Variants in PBX3 observed in about 807,000 individuals in gnomAD.
The protein encoded by PBX3 is pre-B-cell leukemia transcription factor 3.
In PBX3, 14 loss-of-function variants were observed where a neutral mutation model predicts 48.5. That is an observed-to-expected ratio of 0.29 (90% confidence interval 0.19 to 0.45). The LOEUF (loss-of-function observed/expected upper bound fraction) is 0.45. Ranked by LOEUF, PBX3 falls within the 20% of genes least tolerant of loss-of-function variation. The pLI is 1.00. For synonymous variants in PBX3, 210 were observed against 200.3 expected, an observed-to-expected ratio of 1.05 and a Z score of -0.41; for missense variants, 386 against 546.7, an observed-to-expected ratio of 0.71 and a Z score of 2.93.
intron 2 of PBX3, among the ~76,000 whole-genome samples, chr9:125,910,779 C>T (rs1308113990): frequency 1.3e-5 from 2 of 150,544 alleles, no homozygotes; most frequent in Non-Finnish European, 3.0e-5. Flanking sequence ...GCCATTTCCT[C>T]ATAATCTTTT....
rs184611921 is a variant in PBX3 at position 125,887,914 on chromosome 9, G to A, written c.275-27772G>A. Among the ~76,000 whole-genome samples, 758 of 152,224 alleles carry A rather than the reference G, an allele frequency of 5.0e-3. 9 individuals carry two copies. Among genetic ancestry groups the A allele is most frequent in the South Asian group, 0.014 (68 of 4,820 alleles). Reference sequence around the variant, plus strand: ...TTTTACTGCAGTAAAATGAGATTCAGGAGATAGATTACTGTGCATAATCAG... The same window carrying A: ...TTTTACTGCAGTAAAATGAGATTCAAGAGATAGATTACTGTGCATAATCAG... On this transcript the variant is annotated intron_variant, in intron 2 of 8. Transcript: ENST00000373489.
At chr9:125,750,789 GCCT>G (rs1836352997) in intron 2 of PBX3, among the ~76,000 whole-genome samples, 1 of 152,204 alleles carries the variant, frequency 6.6e-6, no homozygotes, top group African/African-American at 2.4e-5. Flanking sequence ...CTTCCTGCTA[GCCT>G]CTCTAAGCTC....
chr9:125,838,931 GT>G (rs1283018570), intron 2 of PBX3, among the ~76,000 whole-genome samples: 2 of 152,168 alleles, frequency 1.3e-5, no homozygotes, highest in Non-Finnish European at 2.9e-5. Flanking sequence ...AGTGATAGAA[GT>G]TTTTGCCAAG....
At chr9:125,843,140 C>T (rs1258345922) in intron 2 of PBX3, among the ~76,000 whole-genome samples, 1 of 151,938 alleles carries the variant, frequency 6.6e-6, no homozygotes, top group Non-Finnish European at 1.5e-5. Flanking sequence ...ATCCACAAAC[C>T]TATTTGGGGA....
At chr9:125,774,062 A>G (rs143399156) in intron 2 of PBX3, among the ~76,000 whole-genome samples, 214 of 152,340 alleles carry the variant, frequency 1.4e-3, no homozygotes, top group South Asian at 3.5e-3. Context: ...GAGATGTTTA[A>G]TTGGCACACA....
chr9:125,823,062 GC>G (rs1176226618), intron 2 of PBX3, among the ~76,000 whole-genome samples: 1 of 151,038 alleles, frequency 6.6e-6, no homozygotes, highest in African/African-American at 2.4e-5. Flanking sequence ...ACCTATGTTT[GC>G]CTATTTAGCA....
chr9:125,893,853 T>A (rs956302145), intron 2 of PBX3, among the ~76,000 whole-genome samples: 5 of 152,162 alleles, frequency 3.3e-5, no homozygotes, highest in Admixed American at 3.3e-4. Context: ...CATTATGGCT[T>A]ATCATAGAAC....
At chr9:125,860,884 CAAAAAA>C (rs58796485) in intron 2 of PBX3, among the ~76,000 whole-genome samples, 9 of 99,104 alleles carry the variant, frequency 9.1e-5, no homozygotes, top group Admixed American at 2.1e-4. Context: ...AAGACTCTGT[CAAAAAA>C]AAAAAAAAAA....
intron 5 of PBX3, among the ~76,000 whole-genome samples, chr9:125,936,680 G>A (rs1241410455): frequency 2.0e-5 from 3 of 152,114 alleles, no homozygotes; most frequent in Admixed American, 2.0e-4. Flanking sequence ...ATTATTTTCT[G>A]TAGAAACTCA....
intron 2 of PBX3, among the ~76,000 whole-genome samples, chr9:125,816,261 G>A (rs1838458995): frequency 6.6e-6 from 1 of 152,120 alleles, no homozygotes; most frequent in Non-Finnish European, 1.5e-5. Context: ...GCCTCCCAGA[G>A]TGCTGGGAAC....
chr9:125,835,007 C>T (rs1217909481), intron 2 of PBX3, among the ~76,000 whole-genome samples: 2 of 60,552 alleles, frequency 3.3e-5, no homozygotes, highest in African/African-American at 1.5e-4. Context: ...ACGAGCAAAA[C>T]TCTGTCTCAA....
chr9:125,810,676 T>C (rs1234471171), intron 2 of PBX3, among the ~76,000 whole-genome samples: 1 of 152,162 alleles, frequency 6.6e-6, no homozygotes, highest in Non-Finnish European at 1.5e-5. Context: ...TCTATATCCC[T>C]TGCTAGAAGA....
chr9:125,848,265 T>G (rs892163365), intron 2 of PBX3, among the ~76,000 whole-genome samples: 1 of 152,052 alleles, frequency 6.6e-6, no homozygotes, highest in Non-Finnish European at 1.5e-5. Flanking sequence ...TAAAATCACC[T>G]CAAGGTATAG....
At chr9:125,942,819 C>G (rs1841984726) in intron 5 of PBX3, among the ~76,000 whole-genome samples, 1 of 152,122 alleles carries the variant, frequency 6.6e-6, no homozygotes. Context: ...AATAAAAGAG[C>G]AGGTTGTAAA....
At chr9:125,936,166 T>C (rs1214805352) in intron 5 of PBX3, among the ~76,000 whole-genome samples, 1 of 152,210 alleles carries the variant, frequency 6.6e-6, no homozygotes, top group South Asian at 2.1e-4. Context: ...TAAAAAAATG[T>C]TTATTTATAA....
chr9:125,941,019 C>T (rs1195506345), intron 5 of PBX3, among the ~76,000 whole-genome samples: 1 of 152,054 alleles, frequency 6.6e-6, no homozygotes, highest in Non-Finnish European at 1.5e-5. Context: ...ATGGAACTTA[C>T]ATTTTTGTGG....
intron 2 of PBX3, among the ~76,000 whole-genome samples, chr9:125,838,398 A>G (rs1177686791): frequency 6.6e-6 from 1 of 152,180 alleles, no homozygotes; most frequent in African/African-American, 2.4e-5. Context: ...ACAATTTTCA[A>G]GAGACCTCTA....
rs77534041 is a variant in PBX3, at chr9:125,933,981, C to T, written c.708-1491C>T. 5.1e-4 allele frequency among the ~76,000 whole-genome samples: 77 copies of T among 152,220 alleles called. 2 individuals carry two copies. In the East Asian group the frequency reaches 7.1e-3, roughly 14 times the overall value. Reference sequence around the variant, plus strand: ...CACATGACTCCTGCAAAAATGCTAACTGTTCTTCTTTTTGGTGCATTTGTC... The same window carrying T: ...CACATGACTCCTGCAAAAATGCTAATTGTTCTTCTTTTTGGTGCATTTGTC... On this transcript the variant is annotated intron_variant, in intron 4 of 8. Transcript: ENST00000373489.
At chr9:125,808,244 G>A (rs748212886) in intron 2 of PBX3, among the ~76,000 whole-genome samples, 3 of 152,152 alleles carry the variant, frequency 2.0e-5, no homozygotes, top group East Asian at 3.8e-4. Flanking sequence ...AAAATAGGAC[G>A]TATAGTGTGA....
Sources: gnomAD v4.1 joint callset for allele counts (sites outside exome capture counted in the v4.1 genomes callset) on GRCh38, gnomAD v4.1.1 for gene constraint, MANE v1.5 for transcripts, NCBI Gene and HGNC (gene_info 2026-07-23, HGNC 2026-07-21) for gene names.